The following EPN1 variants were observed in gnomAD, a reference collection of about 807,000 sequenced individuals.
EPN1 encodes the protein epsin-1.
EPN1 carries 25 observed loss-of-function variants against 56.9 expected under a neutral mutation model. The ratio of observed to expected loss-of-function variants is 0.44; its 90% CI spans 0.32 to 0.61. The LOEUF (loss-of-function observed/expected upper bound fraction) is 0.61. EPN1 is among the 20% of genes least tolerant of loss of function. The probability of loss-of-function intolerance (pLI) is 0.05; values close to 1 mark genes in which losing one functional copy is unlikely to be tolerated. For missense variants in EPN1, 785 were observed against 823.7 expected, an observed-to-expected ratio of 0.95 and a Z score of 0.58; for synonymous variants, 411 against 361.8, an observed-to-expected ratio of 1.14 and a Z score of -1.54.
At chr19:55,683,702 G>A (rs1985980075) in intron 2 of EPN1, among the ~76,000 whole-genome samples, 1 of 152,230 alleles carries the variant, frequency 6.6e-6, no homozygotes, top group Non-Finnish European at 1.5e-5. Flanking sequence ...GTGTGAGCGT[G>A]CCATAGTTGA....
rs113510215 is a variant in EPN1, at chr19:55,706,668, G to A, written c.*11312G>A. ...GAAGGAAAAGGAAAGAAAGAAAAGA[G>A]GGGAAGGGAAGGGAGAGATTTAAAA... On this transcript the variant is annotated 3_prime_UTR_variant, in exon 11 of 11. Coordinates refer to ENST00000270460, the MANE Select transcript of EPN1 (RefSeq NM_001130072.2). 6.7e-5 allele frequency: 10 copies of A among 149,554 alleles called. No individual in the cohort carries two copies. Among genetic ancestry groups the A allele is most frequent in the East Asian group, 5.9e-4 (3 of 5,056 alleles). The allele number at this position is 149,554 out of a possible 1,614,324, so 9.3% of individuals were successfully genotyped here.
In EPN1 at chr19:55,675,412, A is replaced by C. The variant is rs937400972; in HGVS notation, c.-125A>C. On this transcript the variant is annotated 5_prime_UTR_variant, in exon 1 of 11. Coordinates refer to ENST00000270460, the MANE Select transcript of EPN1 (RefSeq NM_001130072.2). ...AGGGGGCTGACCGCCATGACCCCCC[A>C]GAGCCCGGCGTGAGGGGGCCGAGGT... 2.0e-5 allele frequency: 3 copies of C among 151,348 alleles called. No homozygotes were observed. Among genetic ancestry groups the C allele is most frequent in the Non-Finnish European group, 2.9e-5 (2 of 67,898 alleles). 9.4% of individuals were successfully genotyped at this position (151,348 alleles called of 1,614,324 possible). A position where few individuals can be genotyped will look rare whatever the true frequency, so the allele number is the denominator to read the frequency against.
intron 3 of EPN1, among the ~76,000 whole-genome samples, chr19:55,686,214 A>C (rs1986157608): frequency 6.6e-6 from 1 of 152,224 alleles, no homozygotes; most frequent in Non-Finnish European, 1.5e-5. Context: ...CACATCGTCA[A>C]GCCAAGATCT....
rs764797142 is a variant in EPN1, at chr19:55,689,026, G to A, written c.603+32G>A. 4.8e-5 allele frequency: 75 copies of A among 1,558,304 alleles called. 1 individual carries two copies. In the East Asian group the frequency reaches 1.4e-3, roughly 28 times the overall value. On this transcript the variant is annotated intron_variant, in intron 4 of 10. Transcript: ENST00000270460. The surrounding 1 kb of genome is among the most constrained non-coding windows in gnomAD (Gnocchi z 5.7). ...GGCGTGCAGCTGGGGCTGTCTGTCC[G>A]CCACCCGCCTCCACGCCTCACTTCA...
rs1019856480 is a variant in EPN1, at chr19:55,696,636, G to C, written c.*1280G>C. On this transcript the variant is annotated 3_prime_UTR_variant, in exon 11 of 11. Coordinates refer to ENST00000270460, the MANE Select transcript of EPN1 (RefSeq NM_001130072.2). ...ACGCTCTGGGCTCAGGGTGGGGCCA[G>C]ACAGCTACATCACAGGGACACTTGT... 8.5e-5 allele frequency: 13 copies of C among 152,446 alleles called. No homozygotes were observed. Among genetic ancestry groups the C allele is most frequent in the African/African-American group, 3.1e-4 (13 of 41,460 alleles). The allele number at this position is 152,446 out of a possible 1,614,324, so 9.4% of individuals were successfully genotyped here.
In EPN1 at chr19:55,699,800, C is replaced by G. The variant is rs563275143; in HGVS notation, c.*4444C>G. 3 of 152,264 alleles carry G rather than the reference C, an allele frequency of 2.0e-5. No individual in the cohort carries two copies. In the South Asian group the frequency reaches 6.2e-4, roughly 32 times the overall value. 9.4% of individuals were successfully genotyped at this position (152,264 alleles called of 1,614,324 possible). ...GCATGCTTTCCGCCGAGAAATCGCT[C>G]CCTTTGCTGTTTGTTTTGTATTGAA... On this transcript the variant is annotated 3_prime_UTR_variant, in exon 11 of 11. Coordinates refer to ENST00000270460, the MANE Select transcript of EPN1 (RefSeq NM_001130072.2).
In EPN1 at chr19:55,700,576, C is replaced by T. The variant is rs1987095449; in HGVS notation, c.*5220C>T. 12 of 143,202 alleles carry T rather than the reference C, an allele frequency of 8.4e-5. No individual in the cohort carries two copies. The highest frequency in any genetic ancestry group is 3.0e-4 in the African/African-American group (10 of 32,910). 8.9% of individuals were successfully genotyped at this position (143,202 alleles called of 1,614,324 possible). A position where few individuals can be genotyped will look rare whatever the true frequency, so the allele number is the denominator to read the frequency against. ...CACCCGGCCCATAATTACAAACTTT[C>T]TGAGGGACATCTTGAAGCACACAAA... On this transcript the variant is annotated 3_prime_UTR_variant, in exon 11 of 11. Transcript: ENST00000270460.
At chr19:55,675,714 G>GT (rs1349400528) in intron 1 of EPN1, among the ~76,000 whole-genome samples, 1 of 152,148 alleles carries the variant, frequency 6.6e-6, no homozygotes, top group East Asian at 1.9e-4. Flanking sequence ...GTGTTTGTGT[G>GT]TCTGTCCCGG....
Position 55,708,992 on chromosome 19 carries a change from C to T in EPN1, c.*13636C>T, listed in dbSNP as rs1449314830. 2 of 1,594,700 alleles carry T rather than the reference C, an allele frequency of 1.3e-6. No homozygotes were observed. The highest frequency in any genetic ancestry group is 1.8e-5 in the Admixed American group (1 of 56,084). On this transcript the variant is annotated 3_prime_UTR_variant, in exon 11 of 11. Transcript: ENST00000270460. Reference sequence around the variant, plus strand: ...ATGGTCAGATGGGGAATTTTTTCTTCCACAGACATCAGGATCTTCTGAGTT... The same window carrying T: ...ATGGTCAGATGGGGAATTTTTTCTTTCACAGACATCAGGATCTTCTGAGTT...
rs893409579 is a variant in EPN1, at chr19:55,694,610, C to T, written c.1265-116C>T. 2.0e-5 allele frequency: 26 copies of T among 1,299,546 alleles called. No homozygotes were observed. Among genetic ancestry groups the T allele is most frequent in the African/African-American group, 7.4e-5 (5 of 67,374 alleles). 80.5% of individuals were successfully genotyped at this position (1,299,546 alleles called of 1,614,324 possible). On this transcript the variant is annotated intron_variant, in intron 9 of 10. Coordinates refer to ENST00000270460, the MANE Select transcript of EPN1 (RefSeq NM_001130072.2). The surrounding 1 kb of genome is among the most constrained non-coding windows in gnomAD (Gnocchi z 4.2). ...GCTCTGCACCTCAGTTCCTCCTTCC[C>T]GAGGCCTCTGGGCACCGGGCTCTTT... is the stretch of plus-strand genomic sequence containing the variant.
intron 9 of EPN1, 56 bp downstream of exon 9, chr19:55,693,093 G>A (rs1050087736): frequency 7.1e-6 from 11 of 1,542,166 alleles, no homozygotes; most frequent in Middle Eastern, 1.8e-4. Context: ...CTAGCTCTTC[G>A]GGAGCCCCGT....
rs1002406240 is a variant in EPN1, at chr19:55,701,880, T to C, written c.*6524T>C. 2 of 151,958 alleles carry C rather than the reference T, an allele frequency of 1.3e-5. No individual in the cohort carries two copies. The highest frequency in any genetic ancestry group is 4.8e-5 in the African/African-American group (2 of 41,324). The allele number at this position is 151,958 out of a possible 1,614,324, so 9.4% of individuals were successfully genotyped here. On this transcript the variant is annotated 3_prime_UTR_variant, in exon 11 of 11. Transcript: ENST00000270460. ...GGCTAGTGAGGAGGGGTGTCTTTTC[T>C]TCCTAGGGCCTGAAGAACCAGTTAG...
chr19:55,706,020 GA>G lies in EPN1; in HGVS notation c.*10666del, dbSNP rs997232179. The G allele has an allele frequency of 1.7e-5, 3 of 177,604 alleles. No homozygotes were observed. Among genetic ancestry groups the G allele is most frequent in the African/African-American group, 7.2e-5 (3 of 41,562 alleles). 11.0% of individuals were successfully genotyped at this position (177,604 alleles called of 1,614,324 possible). A position where few individuals can be genotyped will look rare whatever the true frequency, so the allele number is the denominator to read the frequency against. On this transcript the variant is annotated 3_prime_UTR_variant, in exon 11 of 11. Transcript: ENST00000270460. ...CAGAGGTCTGCATAGCAGTTACAAA[GA>G]AGGCCTTATTATCTGGAAGAAAAGG...
chr19:55,687,144 T>G (rs538838763), intron 3 of EPN1, among the ~76,000 whole-genome samples: 37 of 152,298 alleles, frequency 2.4e-4, no homozygotes, highest in African/African-American at 8.4e-4. Context: ...TACTCTGAAT[T>G]TTCGCCCATC....
intron 2 of EPN1, among the ~76,000 whole-genome samples, chr19:55,684,838 G>T (rs1986057378): frequency 6.6e-6 from 1 of 152,246 alleles, no homozygotes; most frequent in African/African-American, 2.4e-5. Flanking sequence ...CAGGATGCCA[G>T]GCGATGCCCA....
In EPN1 at chr19:55,692,007, C is replaced by A. The variant is rs935171451; in HGVS notation, c.1016C>A (p.Ala339Asp). Residue 339 changes from alanine to aspartate, a missense_variant, in exon 7 of 11, where the codon GCC (alanine) becomes GAC (aspartate). By Grantham distance (126) the Ala-to-Asp change is moderately radical (BLOSUM62 -2). Transcript: ENST00000270460. Reference sequence around the variant, plus strand: ...GTTGACCCTTGGGGTGGGACCCCAGCCCCTGCAGCTGGGGAGGGGCCCACG... The same window carrying A: ...GTTGACCCTTGGGGTGGGACCCCAGACCCTGCAGCTGGGGAGGGGCCCACG... ...PSVDPWGGTPAPAAGEGPTPD... is the reference protein window; with the variant it reads ...PSVDPWGGTPDPAAGEGPTPD... 6.8e-7 allele frequency: 1 copy of A among 1,478,582 alleles called. No homozygotes were observed. The highest frequency in any genetic ancestry group is 8.9e-7 in the Non-Finnish European group (1 of 1,122,254). The allele number at this position is 1,478,582 out of a possible 1,614,324, so 91.6% of individuals were successfully genotyped here.
In EPN1 at chr19:55,678,858, C is replaced by G. The variant is rs373421417; in HGVS notation, c.228+3C>G. The G allele has an allele frequency of 1.3e-6, 2 of 1,597,216 alleles. No individual in the cohort carries two copies. The highest frequency in any genetic ancestry group is 1.7e-6 in the Non-Finnish European group (2 of 1,168,548). Reference sequence around the variant, plus strand: ...AGAACTGGCGTCACGTTTACAAGGTCAGCATCCTGCTCTCCTCCCCGGGCA... The same window carrying G: ...AGAACTGGCGTCACGTTTACAAGGTGAGCATCCTGCTCTCCTCCCCGGGCA... On this transcript the variant is annotated splice_donor_region_variant and intron_variant, in intron 2 of 10. Coordinates refer to ENST00000270460, the MANE Select transcript of EPN1 (RefSeq NM_001130072.2).
Position 55,692,654 on chromosome 19 carries a change from C to T in EPN1, c.1067-32C>T, listed in dbSNP as rs754903759. ...CTAGCCATCTGGGCAGTCAAGGTTG[C>T]CAGCCCCTCATGCTCTTCTGTCCTC... On this transcript the variant is annotated intron_variant, in intron 7 of 10. Transcript: ENST00000270460. The T allele has an allele frequency of 3.5e-5, 49 of 1,408,896 alleles. 1 individual carries two copies. In the Middle Eastern group the frequency reaches 6.6e-4, roughly 19 times the overall value. The allele number at this position is 1,408,896 out of a possible 1,614,324, so 87.3% of individuals were successfully genotyped here. A position where few individuals can be genotyped will look rare whatever the true frequency, so the allele number is the denominator to read the frequency against.
chr19:55,678,897 A>G (rs1389395568), intron 2 of EPN1, 42 bp downstream of exon 2: 2 of 1,437,820 alleles, frequency 1.4e-6, no homozygotes, highest in Non-Finnish European at 1.9e-6. Flanking sequence ...GCAGGGGCTC[A>G]GGTGGGAGGA....
Sources: gnomAD v4.1 joint callset for allele counts (sites outside exome capture counted in the v4.1 genomes callset) on GRCh38, gnomAD v4.1.1 for gene constraint, Gnocchi (gnomAD v3.1) non-coding constraint, MANE v1.5 for transcripts, NCBI Gene and HGNC (gene_info 2026-07-23, HGNC 2026-07-21) for gene names.